Variants in LYPD6 observed in about 807,000 individuals in gnomAD.
LYPD6 encodes the protein LY6/PLAUR domain containing 6.
In LYPD6, 15 loss-of-function variants were observed where a neutral mutation model predicts 22.7. That is an observed-to-expected ratio of 0.66 (90% CI 0.44 to 1.02). The LOEUF (loss-of-function observed/expected upper bound fraction) is 1.02. Ranked by LOEUF, LYPD6 falls within the 50% of genes least tolerant of loss-of-function variation. The probability of loss-of-function intolerance (pLI) is 0.00; values close to 1 mark genes in which losing one functional copy is unlikely to be tolerated. For missense variants in LYPD6, 189 were observed against 208.4 expected, an observed-to-expected ratio of 0.91 and a Z score of 0.57; for synonymous variants, 72 against 77.5, an observed-to-expected ratio of 0.93 and a Z score of 0.37.
intron 1 of LYPD6, among the ~76,000 whole-genome samples, chr2:149,353,534 G>A (rs898547387): frequency 1.3e-5 from 2 of 152,150 alleles, no homozygotes; most frequent in East Asian, 1.9e-4. Context: ...TCAATCTGCC[G>A]ATGCCAAAGT....
chr2:149,398,817 A>G (rs993985009), intron 1 of LYPD6, among the ~76,000 whole-genome samples: 1 of 152,202 alleles, frequency 6.6e-6, no homozygotes, highest in African/African-American at 2.4e-5. Flanking sequence ...TGGATAGAGG[A>G]GAAGGTTTAA....
chr2:149,384,321 A>T (rs543038725), intron 1 of LYPD6, among the ~76,000 whole-genome samples: 1 of 152,138 alleles, frequency 6.6e-6, no homozygotes, highest in South Asian at 2.1e-4. Context: ...CTTATCACAA[A>T]CTCCTGGGCA....
chr2:149,332,098 A>G (rs1244431887), intron 1 of LYPD6, among the ~76,000 whole-genome samples: 5 of 152,258 alleles, frequency 3.3e-5, no homozygotes, highest in Admixed American at 3.3e-4. Flanking sequence ...ATGCACATTT[A>G]TGTTAAACCC....
intron 1 of LYPD6, among the ~76,000 whole-genome samples, chr2:149,431,998 A>C (rs947331074): frequency 6.6e-6 from 1 of 152,250 alleles, no homozygotes; most frequent in Non-Finnish European, 1.5e-5. Flanking sequence ...TAATAAGCAC[A>C]TGAAAAGATG....
intron 1 of LYPD6, among the ~76,000 whole-genome samples, chr2:149,389,144 T>C (rs903560067): frequency 6.6e-6 from 1 of 152,184 alleles, no homozygotes; most frequent in Non-Finnish European, 1.5e-5. Flanking sequence ...ACTTATGAAA[T>C]TGTATTCCCT....
chr2:149,412,659 C>T (rs1682876993), intron 1 of LYPD6, among the ~76,000 whole-genome samples: 1 of 152,120 alleles, frequency 6.6e-6, no homozygotes, highest in Non-Finnish European at 1.5e-5. Context: ...TCTCTGCTGT[C>T]TATATCCAAT....
At chr2:149,389,803 A>C (rs1029388932) in intron 1 of LYPD6, among the ~76,000 whole-genome samples, 1 of 152,106 alleles carries the variant, frequency 6.6e-6, no homozygotes, top group Non-Finnish European at 1.5e-5. Flanking sequence ...GCTCCTGACT[A>C]CTGATGGATG....
chr2:149,384,261 T>C (rs932315826), intron 1 of LYPD6, among the ~76,000 whole-genome samples: 8 of 152,206 alleles, frequency 5.3e-5, no homozygotes, highest in Non-Finnish European at 8.8e-5. Flanking sequence ...GTCGTATGCA[T>C]TGAGGCAGCA....
chr2:149,457,638 G>C (rs1353604582), intron 3 of LYPD6, among the ~76,000 whole-genome samples: 1 of 152,140 alleles, frequency 6.6e-6, no homozygotes, highest in African/African-American at 2.4e-5. Flanking sequence ...TGCTTTAAAT[G>C]TCCTACAATT....
chr2:149,424,648 TGAACTGA>T (rs74986353), intron 1 of LYPD6, among the ~76,000 whole-genome samples: 2,271 of 152,204 alleles, frequency 0.015, 28 homozygotes, highest in East Asian at 0.049. Context: ...CTAAAGGAAG[TGAACTGA>T]GACTTCAGTA....
At chr2:149,475,247 G>C (rs1302414243), downstream of LYPD6, among the ~76,000 whole-genome samples, 1 of 152,084 alleles carries the variant, frequency 6.6e-6, no homozygotes, top group Non-Finnish European at 1.5e-5. Flanking sequence ...TAGGAGTGAA[G>C]TACATGAAAA....
chr2:149,424,372 G>T (rs1683146756), intron 1 of LYPD6, among the ~76,000 whole-genome samples: 1 of 152,158 alleles, frequency 6.6e-6, no homozygotes, highest in Admixed American at 6.5e-5. Context: ...GCTATATGTG[G>T]TATATTAATT....
At chr2:149,436,714 T>A (rs1018760137) in intron 1 of LYPD6, among the ~76,000 whole-genome samples, 3 of 152,030 alleles carry the variant, frequency 2.0e-5, no homozygotes, top group Admixed American at 6.6e-5. Context: ...CGAGAGTAGC[T>A]GAGATTACAG....
At chr2:149,453,252 G>A (rs1353949402) in intron 3 of LYPD6, among the ~76,000 whole-genome samples, 3 of 152,162 alleles carry the variant, frequency 2.0e-5, no homozygotes, top group South Asian at 2.1e-4. Context: ...GTTGAATGTC[G>A]TGTGCTTGGA....
intron 2 of LYPD6, among the ~76,000 whole-genome samples, chr2:149,442,638 G>A (rs1257538615): frequency 1.0e-4 from 14 of 134,716 alleles, no homozygotes; most frequent in Admixed American, 5.0e-4. Flanking sequence ...ACCTCTTTCC[G>A]TCCTTTAAAA....
intron 1 of LYPD6, among the ~76,000 whole-genome samples, chr2:149,426,166 A>G (rs1683184978): frequency 6.6e-6 from 1 of 152,208 alleles, no homozygotes; most frequent in South Asian, 2.1e-4. Context: ...AAGAGAGCAC[A>G]GGCTGGCTCT....
chr2:149,475,659 C>G (rs558590465), downstream of LYPD6, among the ~76,000 whole-genome samples: 8 of 152,304 alleles, frequency 5.3e-5, no homozygotes, highest in South Asian at 1.7e-3. Flanking sequence ...GGGACCTCTA[C>G]ATAGCTGTAT....
rs368760102 is a variant in LYPD6 at position 149,402,788 on chromosome 2, G to A, written c.-71-34850G>A. Among the ~76,000 whole-genome samples the A allele has an allele frequency of 1.1e-4, 16 of 151,774 alleles. No homozygotes were observed. The East Asian group carries it at 2.1e-3, about 20-fold the overall frequency. ...GTACATGTGCACAACGTGCAGGTTT[G>A]TTACATATGTATACATGTGCCATGC... is the stretch of plus-strand genomic sequence containing the variant. On this transcript the variant is annotated intron_variant, in intron 1 of 4. Transcript: ENST00000334166.
chr2:149,384,289 CAT>C (rs1252127083), intron 1 of LYPD6, among the ~76,000 whole-genome samples: 11 of 152,198 alleles, frequency 7.2e-5, no homozygotes, highest in African/African-American at 2.7e-4. Flanking sequence ...CCATTTATGA[CAT>C]AAGCTGAAGG....
Sources: gnomAD v4.1 joint callset for allele counts (sites outside exome capture counted in the v4.1 genomes callset) on GRCh38, gnomAD v4.1.1 for gene constraint, MANE v1.5 for transcripts, NCBI Gene and HGNC (gene_info 2026-07-23, HGNC 2026-07-21) for gene names.